The following GNAQ variants were observed in gnomAD, a reference collection of about 807,000 sequenced individuals.
The protein encoded by GNAQ is G protein subunit alpha q, also known as guanine nucleotide-binding protein G(q) subunit alpha.
A neutral mutation model predicts 43.9 loss-of-function variants in GNAQ; 8 were observed. The ratio of observed to expected loss-of-function variants is 0.18; its 90% CI spans 0.11 to 0.33. The LOEUF (loss-of-function observed/expected upper bound fraction) is 0.33. Ranked by LOEUF, GNAQ falls within the 10% of genes least tolerant of loss-of-function variation. GNAQ has a pLI of 1.00. For synonymous variants in GNAQ, 155 were observed against 170.7 expected, an observed-to-expected ratio of 0.91 and a Z score of 0.71; for missense variants, 158 against 450.8, an observed-to-expected ratio of 0.35 and a Z score of 5.88.
At chr9:77,910,205 T>C (rs537502144) in intron 2 of GNAQ, among the ~76,000 whole-genome samples, 1 of 152,300 alleles carries the variant, frequency 6.6e-6, no homozygotes, top group South Asian at 2.1e-4. Context: ...ACTAAGTGCA[T>C]CACTGAGATG....
intron 2 of GNAQ, among the ~76,000 whole-genome samples, chr9:77,911,240 G>A (rs540254256): frequency 6.6e-6 from 1 of 152,308 alleles, no homozygotes; most frequent in African/African-American, 2.4e-5. Flanking sequence ...GGAACATTAT[G>A]CAAAGACAGT....
chr9:77,821,724 G>GGGGTGTGT (rs201504418), intron 2 of GNAQ, among the ~76,000 whole-genome samples: 4,725 of 142,356 alleles, frequency 0.033, 89 homozygotes, highest in Middle Eastern at 0.057. Context: ...TCCTAGTATG[G>GGGGTGTGT]GTGTGTGTGT....
chr9:77,810,908 A>G (rs1052376439), intron 3 of GNAQ, among the ~76,000 whole-genome samples: 2 of 152,188 alleles, frequency 1.3e-5, no homozygotes, highest in African/African-American at 4.8e-5. Context: ...GGCTTTCAGA[A>G]AGGGTGACTC....
At chr9:77,767,808 C>G (rs982926237) in intron 5 of GNAQ, among the ~76,000 whole-genome samples, 4 of 152,170 alleles carry the variant, frequency 2.6e-5, no homozygotes, top group African/African-American at 9.7e-5. Context: ...ACACTTAACA[C>G]AGGTAAATCT....
chr9:77,811,143 C>T (rs1826914946), intron 3 of GNAQ, among the ~76,000 whole-genome samples: 1 of 152,164 alleles, frequency 6.6e-6, no homozygotes, highest in African/African-American at 2.4e-5. Context: ...CCTAAATCTA[C>T]TCTGAAGACC....
At chr9:77,864,007 G>GT (rs1200097152) in intron 2 of GNAQ, among the ~76,000 whole-genome samples, 1 of 151,640 alleles carries the variant, frequency 6.6e-6, no homozygotes, top group Non-Finnish European at 1.5e-5. Flanking sequence ...AAGAAAAGAG[G>GT]TTTATTTGGC....
At chr9:77,943,756 T>C (rs1392977581) in intron 1 of GNAQ, among the ~76,000 whole-genome samples, 1 of 149,418 alleles carries the variant, frequency 6.7e-6, no homozygotes, top group East Asian at 2.0e-4. Flanking sequence ...CTCTGCCTCC[T>C]GGGTTCAAGC....
At chr9:77,954,029 T>C (rs1265236993) in intron 1 of GNAQ, among the ~76,000 whole-genome samples, 2 of 152,220 alleles carry the variant, frequency 1.3e-5, no homozygotes, top group Non-Finnish European at 2.9e-5. Flanking sequence ...CATATTTTCT[T>C]CCAGAAAAAG....
intron 1 of GNAQ, among the ~76,000 whole-genome samples, chr9:77,961,732 A>C (rs936009679): frequency 3.3e-5 from 5 of 152,214 alleles, no homozygotes; most frequent in Non-Finnish European, 7.3e-5. Flanking sequence ...ATGACAGAAC[A>C]AAGTCCACCA....
At chr9:78,016,618 G>A (rs1056900047) in intron 1 of GNAQ, among the ~76,000 whole-genome samples, 5 of 151,678 alleles carry the variant, frequency 3.3e-5, no homozygotes, top group African/African-American at 1.2e-4. Flanking sequence ...GGAGGCGGAG[G>A]TTGCAGTGAG....
At chr9:77,931,749 G>A (rs1028704469) in intron 1 of GNAQ, among the ~76,000 whole-genome samples, 3 of 152,104 alleles carry the variant, frequency 2.0e-5, no homozygotes, top group Admixed American at 6.5e-5. Flanking sequence ...TGTGGCCTTG[G>A]GTAAATTACC....
rs143549461 is a variant in GNAQ, at chr9:77,843,421, A to C, written c.322-27651T>G. On this transcript the variant is annotated intron_variant, in intron 2 of 6. Coordinates refer to ENST00000286548, the MANE Select transcript of GNAQ (RefSeq NM_002072.5). ...GGCCTGGTTTTACTGGTCAAGGCCCAGTAAAATAATTTCTTTATTCCTTTC... is the reference window on the plus strand; with the variant it reads ...GGCCTGGTTTTACTGGTCAAGGCCCCGTAAAATAATTTCTTTATTCCTTTC... 6.6e-5 allele frequency among the ~76,000 whole-genome samples: 10 copies of C among 152,342 alleles called. No homozygotes were observed. In the East Asian group the frequency reaches 1.9e-3, roughly 29 times the overall value.
intron 2 of GNAQ, among the ~76,000 whole-genome samples, chr9:77,910,142 T>C (rs1196298456): frequency 3.3e-5 from 5 of 152,192 alleles, no homozygotes; most frequent in South Asian, 4.1e-4. Flanking sequence ...AAGGAAACTA[T>C]TGCTTTGCTA....
intron 5 of GNAQ, among the ~76,000 whole-genome samples, chr9:77,737,784 T>C (rs1167611699): frequency 6.6e-6 from 1 of 152,214 alleles, no homozygotes; most frequent in Admixed American, 6.5e-5. Context: ...ATGGACCCAT[T>C]AGCACTGTGT....
chr9:77,973,398 A>G (rs1823261808), intron 1 of GNAQ, among the ~76,000 whole-genome samples: 1 of 152,162 alleles, frequency 6.6e-6, no homozygotes, highest in Non-Finnish European at 1.5e-5. Flanking sequence ...ACTTCAGAAC[A>G]ACTCTCCCAA....
intron 1 of GNAQ, among the ~76,000 whole-genome samples, chr9:78,017,419 C>T (rs1323842162): frequency 6.6e-6 from 1 of 152,188 alleles, no homozygotes; most frequent in African/African-American, 2.4e-5. Context: ...CATGGCAAGA[C>T]ATCCTACATA....
chr9:77,926,470 C>T (rs1829074088), intron 1 of GNAQ, among the ~76,000 whole-genome samples: 1 of 152,148 alleles, frequency 6.6e-6, no homozygotes, highest in South Asian at 2.1e-4. Context: ...TGACTAATGT[C>T]TTTTCACAGC....
chr9:77,762,474 G>C (rs544819083), intron 5 of GNAQ, among the ~76,000 whole-genome samples: 2 of 136,192 alleles, frequency 1.5e-5, no homozygotes. Flanking sequence ...GGAGGGAGGT[G>C]GGGGGGTCAG....
chr9:77,896,887 C>A (rs1828512891), intron 2 of GNAQ, among the ~76,000 whole-genome samples: 1 of 152,218 alleles, frequency 6.6e-6, no homozygotes, highest in African/African-American at 2.4e-5. Context: ...TATTTCTGTT[C>A]CTTCACTATT....
Sources: allele counts gnomAD v4.1 joint callset (sites outside exome capture counted in the v4.1 genomes callset), GRCh38; gene constraint gnomAD v4.1.1; transcripts MANE v1.5; gene names NCBI Gene and HGNC (gene_info 2026-07-23, HGNC 2026-07-21).